Variants in GPR158 observed in about 807,000 individuals in gnomAD.
The protein encoded by GPR158 is G protein-coupled receptor 158, also known as metabotropic glycine receptor.
A neutral mutation model predicts 78.2 loss-of-function variants in GPR158; 30 were observed. That is an observed-to-expected ratio of 0.38 (90% confidence interval 0.29 to 0.52). The LOEUF is 0.52. Among genes scored for constraint, GPR158 ranks in the 20% least tolerant of loss-of-function variants. GPR158 has a pLI of 0.83. For missense variants in GPR158, 1,463 were observed against 1,523.5 expected, an observed-to-expected ratio of 0.96 and a Z score of 0.66; for synonymous variants, 581 against 591.1, an observed-to-expected ratio of 0.98 and a Z score of 0.25.
At position 25,599,385 on chromosome 10, in the gene GPR158, G is replaced by A; in HGVS notation, c.*111G>A. 3.5e-6 allele frequency: 3 copies of A among 849,834 alleles called. No individual in the cohort carries two copies. Among genetic ancestry groups the A allele is most frequent in the Non-Finnish European group, 3.6e-6 (2 of 553,616 alleles). The allele number at this position is 849,834 out of a possible 1,614,324, so 52.6% of individuals were successfully genotyped here. On this transcript the variant is annotated 3_prime_UTR_variant, in exon 11 of 11. Coordinates refer to ENST00000376351, the MANE Select transcript of GPR158 (RefSeq NM_020752.3). The stretch of plus-strand genomic sequence containing the variant: ...TTTGTCAATCAAGGAAAACATGACA[G>A]ATGGTGAGGTAAAGTCAAAGGCATG...
chr10:25,382,636 G>A (rs1284918747), intron 2 of GPR158, among the ~76,000 whole-genome samples: 3 of 152,028 alleles, frequency 2.0e-5, no homozygotes, highest in Non-Finnish European at 4.4e-5. Context: ...ATATGTGAGT[G>A]ATGTGTACCC....
intron 1 of GPR158, among the ~76,000 whole-genome samples, chr10:25,204,454 T>C (rs1852986411): frequency 6.6e-6 from 1 of 152,224 alleles, no homozygotes; most frequent in South Asian, 2.1e-4. Context: ...TTGAGAGTTT[T>C]TAGCATGAAG....
At chr10:25,348,396 G>GACAGAC (rs1855403966) in intron 2 of GPR158, among the ~76,000 whole-genome samples, 2 of 141,692 alleles carry the variant, frequency 1.4e-5, no homozygotes. Flanking sequence ...TAGGAAGAAA[G>GACAGAC]ACACACACAC....
Position 25,532,575 on chromosome 10 carries a change from T to C in GPR158, c.1405-18401T>C, listed in dbSNP as rs750528133. On this transcript the variant is annotated intron_variant, in intron 5 of 10. Coordinates refer to ENST00000376351, the MANE Select transcript of GPR158 (RefSeq NM_020752.3). ...TCCACCTCCACATAAAGTCACCATA[T>C]AGATATTACATATGATACTTTCTCC... 1.6e-4 allele frequency among the ~76,000 whole-genome samples: 24 copies of C among 152,142 alleles called. No homozygotes were observed. The East Asian group carries it at 2.9e-3, about 18-fold the overall frequency.
chr10:25,373,387 A>G (rs139171599), intron 2 of GPR158, among the ~76,000 whole-genome samples: 76 of 152,070 alleles, frequency 5.0e-4, no homozygotes, highest in African/African-American at 1.8e-3. Flanking sequence ...ACAAACCCCC[A>G]TGACAAGATA....
At position 25,423,114 on chromosome 10, in the gene GPR158, T is replaced by TATATACATATATATGTATATAC. The variant is rs1215878600; in HGVS notation, c.1335+10662_1335+10683dup. 7.6e-5 allele frequency among the ~76,000 whole-genome samples: 11 copies of TATATACATATATATGTATATAC among 144,572 alleles called. No homozygotes were observed. The East Asian group carries it at 1.2e-3, about 16-fold the overall frequency. 94.8% of individuals were successfully genotyped at this position (144,572 alleles called of 152,430 possible). A position where few individuals can be genotyped will look rare whatever the true frequency, so the allele number is the denominator to read the frequency against. On this transcript the variant is annotated intron_variant, in intron 4 of 10. Transcript: ENST00000376351. ...GTGTGTGTGTGTATATGTCTACACA[T>TATATACATATATATGTATATAC]ATATACATATATATGTATATACATA...
At chr10:25,335,281 G>T (rs1313947143) in intron 2 of GPR158, among the ~76,000 whole-genome samples, 3 of 152,020 alleles carry the variant, frequency 2.0e-5, no homozygotes, top group Non-Finnish European at 4.4e-5. Context: ...AGATGCAACT[G>T]CATTCTTGCT....
At chr10:25,498,617 G>A (rs1206653371) in intron 5 of GPR158, among the ~76,000 whole-genome samples, 1 of 152,134 alleles carries the variant, frequency 6.6e-6, no homozygotes, top group Non-Finnish European at 1.5e-5. Context: ...AGCTAGTTTT[G>A]TGCCCAGCTG....
chr10:25,310,502 A>C (rs771139138), intron 2 of GPR158, among the ~76,000 whole-genome samples: 28 of 152,118 alleles, frequency 1.8e-4, no homozygotes, highest in Non-Finnish European at 2.9e-4. Flanking sequence ...TTATAGTATT[A>C]AGTCTTCCAA....
intron 2 of GPR158, among the ~76,000 whole-genome samples, chr10:25,259,049 C>T (rs901997479): frequency 4.6e-5 from 7 of 152,174 alleles, no homozygotes; most frequent in Non-Finnish European, 7.4e-5. Context: ...ACCTTTATGA[C>T]GATCCACTTC....
At chr10:25,543,384 G>A (rs1836615965) in intron 5 of GPR158, among the ~76,000 whole-genome samples, 2 of 152,138 alleles carry the variant, frequency 1.3e-5, no homozygotes, top group African/African-American at 2.4e-5. Flanking sequence ...GCCTCCCAAA[G>A]TGCTGGGATT....
At chr10:25,537,195 A>G (rs1279298529) in intron 5 of GPR158, among the ~76,000 whole-genome samples, 1 of 152,200 alleles carries the variant, frequency 6.6e-6, no homozygotes, top group African/African-American at 2.4e-5. Context: ...AGTCTTTCCA[A>G]CCAAAACAAA....
chr10:25,537,665 C>T (rs76477796), intron 5 of GPR158, among the ~76,000 whole-genome samples: 3,290 of 152,008 alleles, frequency 0.022, 111 homozygotes, highest in African/African-American at 0.075. Flanking sequence ...GATTTGTGTC[C>T]CCGCCCAAAT....
chr10:25,188,400 T>C (rs149720109), intron 1 of GPR158, among the ~76,000 whole-genome samples: 115 of 152,290 alleles, frequency 7.6e-4, no homozygotes, highest in African/African-American at 2.6e-3. Context: ...AAGGCTACAG[T>C]ATCCAAAACA....
intron 7 of GPR158, among the ~76,000 whole-genome samples, chr10:25,581,991 CGA>C (rs1220887723): frequency 6.6e-6 from 1 of 151,998 alleles, no homozygotes; most frequent in East Asian, 1.9e-4. Context: ...CGGCAGGCAA[CGA>C]GAGAATGAGA....
At chr10:25,218,488 T>C (rs1386305340) in intron 1 of GPR158, among the ~76,000 whole-genome samples, 1 of 152,210 alleles carries the variant, frequency 6.6e-6, no homozygotes, top group Non-Finnish European at 1.5e-5. Context: ...CTGGAAGATT[T>C]GAGATTTCCA....
chr10:25,566,890 A>G (rs1388194394), intron 6 of GPR158, among the ~76,000 whole-genome samples: 2 of 152,104 alleles, frequency 1.3e-5, no homozygotes, highest in South Asian at 2.1e-4. Flanking sequence ...TAGCAGAATG[A>G]CAGAAACCTC....
intron 4 of GPR158, among the ~76,000 whole-genome samples, chr10:25,432,034 G>T (rs1249481549): frequency 1.3e-5 from 2 of 151,366 alleles, no homozygotes; most frequent in South Asian, 4.2e-4. Flanking sequence ...GCAAAGGGTG[G>T]GTTTTAGAAC....
chr10:25,189,032 A>G (rs916104067), intron 1 of GPR158, among the ~76,000 whole-genome samples: 3 of 152,220 alleles, frequency 2.0e-5, no homozygotes, highest in Non-Finnish European at 4.4e-5. Context: ...CACATGAAAA[A>G]ATGTTCATCA....
Sources: allele counts gnomAD v4.1 joint callset (sites outside exome capture counted in the v4.1 genomes callset), GRCh38; gene constraint gnomAD v4.1.1; transcripts MANE v1.5; gene names NCBI Gene and HGNC (gene_info 2026-07-23, HGNC 2026-07-21).